PPP1R8: variants seen among roughly 807,000 people sequenced by gnomAD.
PPP1R8 encodes the protein nuclear inhibitor of protein phosphatase 1.
Under a neutral mutation model 31.3 loss-of-function variants are expected in PPP1R8, and 4 were observed. That is an observed-to-expected ratio of 0.13 (90% CI 0.06 to 0.29). The LOEUF (loss-of-function observed/expected upper bound fraction) is 0.29, where lower values mean the gene tolerates loss of function less well. Ranked by LOEUF, PPP1R8 falls within the 10% of genes least tolerant of loss-of-function variation. PPP1R8 has a pLI of 1.00. For missense variants in PPP1R8, 254 were observed against 440.1 expected (o/e 0.58, Z 3.78); for synonymous variants, 170 against 169.7 (o/e 1.00, Z -0.01).
chr1:27,844,666 A>G (rs1006413107), intron 5 of PPP1R8, among the ~76,000 whole-genome samples: 3 of 147,456 alleles, frequency 2.0e-5, no homozygotes, highest in African/African-American at 7.5e-5. Context: ...TTTGTACAAC[A>G]GCCAGCAATT....
intron 5 of PPP1R8, 91 bp from the exon 6 acceptor site, chr1:27,846,937 G>A (rs779917297): frequency 1.0e-4 from 110 of 1,077,692 alleles, no homozygotes; most frequent in Non-Finnish European, 1.2e-4. Flanking sequence ...TTTAATATGA[G>A]TTGTTGTGAT....
rs533641184 is a variant in PPP1R8, at chr1:27,845,118, C to T, written c.637+1788C>T. On this transcript the variant is annotated intron_variant, in intron 5 of 6. Coordinates refer to ENST00000311772, the MANE Select transcript of PPP1R8 (RefSeq NM_014110.5). The stretch of plus-strand genomic sequence containing the variant: ...GAAAATTAGTGCCCTCGGCCGGGCA[C>T]GGTGGCTCACCCCTATAATCCCAGC... 6.1e-4 allele frequency among the ~76,000 whole-genome samples: 87 copies of T among 143,152 alleles called. 2 individuals carry two copies. In the South Asian group the frequency reaches 0.016, roughly 26 times the overall value. The allele number at this position is 143,152 out of a possible 152,430, so 93.9% of individuals were successfully genotyped here. A position where few individuals can be genotyped will look rare whatever the true frequency, so the allele number is the denominator to read the frequency against.
intron 4 of PPP1R8, among the ~76,000 whole-genome samples, chr1:27,841,644 A>G (rs907639332): frequency 3.3e-5 from 5 of 152,232 alleles, no homozygotes; most frequent in Non-Finnish European, 7.3e-5. Context: ...GGCTAGTGCA[A>G]AGAGAGAATG....
chr1:27,837,421 G>T (rs1333314703), intron 2 of PPP1R8, among the ~76,000 whole-genome samples: 1 of 146,758 alleles, frequency 6.8e-6, no homozygotes, highest in Non-Finnish European at 1.5e-5. Flanking sequence ...ACAGAGACTC[G>T]TCTCAAAAAA....
chr1:27,833,104 T>C (rs2089127667), intron 2 of PPP1R8, among the ~76,000 whole-genome samples: 1 of 152,176 alleles, frequency 6.6e-6, no homozygotes, highest in African/African-American at 2.4e-5. Context: ...TAATTCCCTC[T>C]CCCTGAGTAC....
At chr1:27,831,450 T>G (rs1188592849) in intron 1 of PPP1R8, 1 of 753,568 alleles carries the variant, frequency 1.3e-6, no homozygotes, top group Admixed American at 6.3e-5. Context: ...TGAACCCTTT[T>G]TATCCCTTCG....
chr1:27,837,615 A>G (rs550594827), intron 2 of PPP1R8, among the ~76,000 whole-genome samples: 2 of 147,182 alleles, frequency 1.4e-5, no homozygotes, highest in South Asian at 4.3e-4. Context: ...CCCTACTAAA[A>G]ATACAAAAAA....
chr1:27,850,242 A>C lies in PPP1R8; in HGVS notation c.852A>C (p.Thr284=), dbSNP rs769490637. 4 of 1,614,130 alleles carry C rather than the reference A, an allele frequency of 2.5e-6. No homozygotes were observed. The African/African-American group carries it at 4.0e-5, about 16-fold the overall frequency. Residue 284 remains threonine (T), a synonymous_variant, in exon 7 of 7, where the codon ACA becomes ACC. Transcript: ENST00000311772. ...CCCAGCCACATGGCATCCATGGGAC[A>C]GCACTCATCGGTGGCTTGCCCATGC... The part of the protein sequence containing the change: ...AGSQPHGIHG[T]ALIGGLPMPY...
At position 27,841,194 on chromosome 1, in the gene PPP1R8, A is replaced by T. The variant is rs1280176254; in HGVS notation, c.452A>T (p.Lys151Met). 3.1e-6 allele frequency: 5 copies of T among 1,614,226 alleles called. No homozygotes were observed. Among genetic ancestry groups the T allele is most frequent in the Non-Finnish European group, 4.2e-6 (5 of 1,180,036 alleles). Residue 151 changes from lysine (K) to methionine (M), a missense_variant, in exon 4 of 7, where the codon AAG (lysine) becomes ATG (methionine). Lys to Met is a moderately conservative substitution (Grantham distance 95). This residue lies in a region of PPP1R8 where 27 missense variants were observed against 26.7 expected (regional missense o/e 1.01). Transcript: ENST00000311772. ...ATGGGTGGAGAGGATGATGAACTCA[A>T]GGGCTTACTGGGGCTTCCAGAGGAG... ...EKMGGEDDEL[K>M]GLLGLPEEET...
intron 6 of PPP1R8, among the ~76,000 whole-genome samples, chr1:27,848,894 C>T (rs1489828456): frequency 1.3e-5 from 2 of 152,118 alleles, no homozygotes; most frequent in Non-Finnish European, 2.9e-5. Flanking sequence ...ATAAAATCTA[C>T]ACATTTACGT....
intron 4 of PPP1R8, among the ~76,000 whole-genome samples, 165 bp downstream of exon 4, chr1:27,841,399 G>A (rs940358562): frequency 5.3e-5 from 8 of 152,074 alleles, no homozygotes; most frequent in Admixed American, 3.9e-4. Context: ...GACAGCTCTC[G>A]GAGAGCCACA....
In PPP1R8 at chr1:27,851,502, AT is replaced by A. The variant is rs1183562569; in HGVS notation, c.*1058del. On this transcript the variant is annotated 3_prime_UTR_variant, in exon 7 of 7. Transcript: ENST00000311772. Reference sequence around the variant, plus strand: ...GCTTTTTACCTGTAACCTTTATTACATTGTAAATTAAACGTAACTTTTGTCA... The same window carrying A: ...GCTTTTTACCTGTAACCTTTATTACATGTAAATTAAACGTAACTTTTGTCA... The A allele has an allele frequency of 2.2e-6, 1 of 463,274 alleles. No homozygotes were observed. Among genetic ancestry groups the A allele is most frequent in the Non-Finnish European group, 4.4e-6 (1 of 229,882 alleles). The allele number at this position is 463,274 out of a possible 1,614,324, so 28.7% of individuals were successfully genotyped here. A position where few individuals can be genotyped will look rare whatever the true frequency, so the allele number is the denominator to read the frequency against.
chr1:27,831,631 T>C (rs2089108887), intron 1 of PPP1R8, among the ~76,000 whole-genome samples: 1 of 152,200 alleles, frequency 6.6e-6, no homozygotes, highest in Non-Finnish European at 1.5e-5. Flanking sequence ...TGTATTGCCA[T>C]CCTCAAGGGC....
At chr1:27,838,998 T>C in intron 3 of PPP1R8, 146 bp downstream of exon 3, 1 of 907,278 alleles carries the variant, frequency 1.1e-6, no homozygotes, top group Non-Finnish European at 1.6e-6. Context: ...GATTTTTCTA[T>C]TTTCCTGAGA....
Position 27,848,482 on chromosome 1 carries a change from A to G in PPP1R8, c.702+1390A>G, listed in dbSNP as rs113028398. 7.2e-3 allele frequency among the ~76,000 whole-genome samples: 1,098 copies of G among 152,350 alleles called. 17 individuals carry two copies. The highest frequency in any genetic ancestry group is 0.024 in the African/African-American group (1,008 of 41,576). ...CGATCGTTCAGCATGTGGAAGAACT[A>G]TCAGATAGCTAGAACTGTCCAAACA... is the stretch of plus-strand genomic sequence containing the variant. On this transcript the variant is annotated intron_variant, in intron 6 of 6. Coordinates refer to ENST00000311772, the MANE Select transcript of PPP1R8 (RefSeq NM_014110.5).
At chr1:27,836,455 G>A (rs767607058) in intron 2 of PPP1R8, among the ~76,000 whole-genome samples, 4 of 151,828 alleles carry the variant, frequency 2.6e-5, no homozygotes, top group Non-Finnish European at 5.9e-5. Flanking sequence ...TTGCTCTGTC[G>A]CCCAGGCTGG....
At chr1:27,848,278 G>A (rs887003849) in intron 6 of PPP1R8, among the ~76,000 whole-genome samples, 1 of 152,010 alleles carries the variant, frequency 6.6e-6, no homozygotes, top group East Asian at 1.9e-4. Flanking sequence ...GGTGGTGGGC[G>A]CCTATAGTCC....
intron 2 of PPP1R8, among the ~76,000 whole-genome samples, chr1:27,836,819 G>T (rs543224757): frequency 3.3e-5 from 5 of 151,056 alleles, no homozygotes; most frequent in Admixed American, 6.6e-5. Flanking sequence ...TTCACCTGAG[G>T]TGAGGAGTTC....
chr1:27,847,940 G>A (rs1465940235), intron 6 of PPP1R8, among the ~76,000 whole-genome samples: 1 of 152,162 alleles, frequency 6.6e-6, no homozygotes, highest in Admixed American at 6.5e-5. Flanking sequence ...TTTTCCAGAG[G>A]GGTGCAGAGA....
Sources: gnomAD v4.1 joint callset for allele counts (sites outside exome capture counted in the v4.1 genomes callset) on GRCh38, gnomAD v4.1.1 for gene constraint, gnomAD v4.1.1 regional missense constraint, MANE v1.5 for transcripts, NCBI Gene and HGNC (gene_info 2026-07-23, HGNC 2026-07-21) for gene names.